Variants in PLEKHM1 observed in about 807,000 individuals in gnomAD.
PLEKHM1 encodes pleckstrin homology and RUN domain containing M1.
PLEKHM1 carries 28 observed loss-of-function variants against 94.3 expected under a neutral mutation model. That is an observed-to-expected ratio of 0.30 (90% CI 0.22 to 0.41). The LOEUF (loss-of-function observed/expected upper bound fraction) is 0.41, where lower values mean the gene tolerates loss of function less well. Among genes scored for constraint, PLEKHM1 ranks in the 10% least tolerant of loss-of-function variants. The pLI, the probability that PLEKHM1 is intolerant of heterozygous loss-of-function variation, is 1.00. For synonymous variants in PLEKHM1, 424 were observed against 581.2 expected, an observed-to-expected ratio of 0.73 and a Z score of 3.89; for missense variants, 907 against 1,358.6, an observed-to-expected ratio of 0.67 and a Z score of 5.22.
chr17:45,489,335 C>G (rs2052232794), intron 1 of PLEKHM1, among the ~76,000 whole-genome samples: 1 of 152,190 alleles, frequency 6.6e-6, no homozygotes, highest in South Asian at 2.1e-4. Flanking sequence ...CAGGGAGAGG[C>G]CCTTACAAGT....
chr17:45,441,665 G>A (rs867444250), intron 9 of PLEKHM1, among the ~76,000 whole-genome samples: 5 of 152,176 alleles, frequency 3.3e-5, no homozygotes, highest in African/African-American at 1.2e-4. Context: ...TGGCTTCTCC[G>A]CAGTGCTCAG....
At chr17:45,449,370 C>T (rs1208849798) in intron 8 of PLEKHM1, among the ~76,000 whole-genome samples, 1 of 151,994 alleles carries the variant, frequency 6.6e-6, no homozygotes, top group Non-Finnish European at 1.5e-5. Flanking sequence ...ATTCACCCAC[C>T]CATCTACCCA....
chr17:45,440,538 C>T (rs908684214), intron 9 of PLEKHM1, among the ~76,000 whole-genome samples: 5 of 152,208 alleles, frequency 3.3e-5, no homozygotes, highest in Non-Finnish European at 5.9e-5. Flanking sequence ...ACAGTAAACA[C>T]GTAATTAATC....
intron 1 of PLEKHM1, among the ~76,000 whole-genome samples, chr17:45,484,641 G>A (rs2052053472): frequency 6.6e-6 from 1 of 152,190 alleles, no homozygotes. Flanking sequence ...TATGTCACAG[G>A]TCATGGCCCT....
At chr17:45,482,129 C>T (rs1214696718) in intron 2 of PLEKHM1, among the ~76,000 whole-genome samples, 2 of 150,936 alleles carry the variant, frequency 1.3e-5, no homozygotes, top group Non-Finnish European at 3.0e-5. Flanking sequence ...ATCTGTTTCC[C>T]ACCCATTCAG....
chr17:45,451,444 C>T (rs1441192114), intron 7 of PLEKHM1, among the ~76,000 whole-genome samples: 4 of 152,168 alleles, frequency 2.6e-5, no homozygotes, highest in African/African-American at 9.7e-5. Context: ...TGAACATGTG[C>T]CCTAACTCCT....
At chr17:45,481,048 C>T (rs2051936517) in intron 2 of PLEKHM1, among the ~76,000 whole-genome samples, 1 of 152,162 alleles carries the variant, frequency 6.6e-6, no homozygotes, top group Non-Finnish European at 1.5e-5. Context: ...ATATGAGTTC[C>T]AATCTCTCCA....
chr17:45,440,526 T>G (rs2050417342), intron 9 of PLEKHM1, among the ~76,000 whole-genome samples: 2 of 152,230 alleles, frequency 1.3e-5, no homozygotes, highest in South Asian at 4.1e-4. Flanking sequence ...GGTGCCAAGC[T>G]CACAGTAAAC....
chr17:45,476,173 A>G (rs2051728450), intron 3 of PLEKHM1: 1 of 146,542 alleles, frequency 6.8e-6, no homozygotes, highest in South Asian at 2.1e-4. Flanking sequence ...TAAATATATA[A>G]ATATAAATTA....
intron 11 of PLEKHM1, 70 bp downstream of exon 11, chr17:45,439,407 G>C (rs572863732): frequency 1.9e-6 from 3 of 1,551,938 alleles, no homozygotes; most frequent in African/African-American, 2.7e-5. Context: ...GCTGCCCTGC[G>C]TGCTTGGGCC....
rs528250898 is a variant in PLEKHM1, at chr17:45,468,631, G to A, written c.924-38C>T. ...AACAAAGAAACCTGTGTGACAGGTT[G>A]TCTGCGATAATGCCCAAGGCAACTG... On this transcript the variant is annotated intron_variant, in intron 4 of 11. Transcript: ENST00000430334. 133 of 1,610,016 alleles carry A rather than the reference G, an allele frequency of 8.3e-5. 1 individual carries two copies. The South Asian group carries it at 1.3e-3, about 16-fold the overall frequency.
intron 9 of PLEKHM1, 80 bp from the exon 10 acceptor site, chr17:45,440,306 G>A: frequency 7.2e-7 from 1 of 1,395,144 alleles, no homozygotes; most frequent in Non-Finnish European, 1.0e-6. Context: ...ACACTCCCCT[G>A]GCGCTGCTCA....
intron 1 of PLEKHM1, among the ~76,000 whole-genome samples, chr17:45,486,148 C>T (rs1477181788): frequency 2.1e-5 from 3 of 144,478 alleles, no homozygotes; most frequent in Non-Finnish European, 3.0e-5. Context: ...ACCTGGGAGG[C>T]GGAGCTTGCA....
chr17:45,449,046 T>C (rs1052406372), intron 8 of PLEKHM1, among the ~76,000 whole-genome samples: 3 of 152,202 alleles, frequency 2.0e-5, no homozygotes, highest in African/African-American at 7.2e-5. Flanking sequence ...TTTGGGTTTT[T>C]CTGTAACTTT....
chr17:45,457,252 ACAC>A (rs2050987457), intron 6 of PLEKHM1, among the ~76,000 whole-genome samples: 1 of 151,650 alleles, frequency 6.6e-6, no homozygotes, highest in African/African-American at 2.4e-5. Flanking sequence ...ACATAGCAAA[ACAC>A]CATCTTTATT....
chr17:45,452,998 T>G, intron 7 of PLEKHM1: 1 of 461,746 alleles, frequency 2.2e-6, no homozygotes, highest in Non-Finnish European at 4.0e-6. Flanking sequence ...GCAGCAGAAA[T>G]ATTTGGAAGG....
intron 5 of PLEKHM1, among the ~76,000 whole-genome samples, chr17:45,462,372 G>A (rs1420819193): frequency 6.6e-6 from 1 of 151,790 alleles, no homozygotes; most frequent in African/African-American, 2.4e-5. Context: ...GAGGAAAATG[G>A]GTGGGAGAAA....
chr17:45,443,552 A>G (rs767224538), intron 9 of PLEKHM1, among the ~76,000 whole-genome samples: 1 of 152,114 alleles, frequency 6.6e-6, no homozygotes, highest in African/African-American at 2.4e-5. Flanking sequence ...AGGGAGAGAG[A>G]CAGGGCTGCC....
In PLEKHM1 at chr17:45,483,337, A is replaced by G. The variant is rs187278928; in HGVS notation, c.-41-812T>C. 2.8e-3 allele frequency among the ~76,000 whole-genome samples: 423 copies of G among 151,584 alleles called. 2 individuals carry two copies. Among genetic ancestry groups the G allele is most frequent in the African/African-American group, 9.7e-3 (402 of 41,246 alleles). On this transcript the variant is annotated intron_variant, in intron 1 of 11. Transcript: ENST00000430334. Reference sequence around the variant, plus strand: ...AAACCTACAGACCAAGAATGTCATCACCTAAATGAGTATGCAGGAAGAGCT... The same window carrying G: ...AAACCTACAGACCAAGAATGTCATCGCCTAAATGAGTATGCAGGAAGAGCT...
Sources: gnomAD v4.1 joint callset for allele counts (sites outside exome capture counted in the v4.1 genomes callset) on GRCh38, gnomAD v4.1.1 for gene constraint, MANE v1.5 for transcripts, NCBI Gene and HGNC (gene_info 2026-07-23, HGNC 2026-07-21) for gene names.